Variants in GLRX5 observed in about 807,000 individuals in gnomAD.
GLRX5 encodes the protein glutaredoxin-related protein 5, mitochondrial.
A neutral mutation model predicts 13.8 loss-of-function variants in GLRX5; 10 were observed. The ratio of observed to expected loss-of-function variants is 0.72; its 90% CI spans 0.45 to 1.23. GLRX5 has a LOEUF of 1.23. Among genes scored for constraint, GLRX5 ranks in the 50% most tolerant of loss-of-function variants. The pLI, the probability that GLRX5 is intolerant of heterozygous loss-of-function variation, is 0.00. For missense variants in GLRX5, 233 were observed against 215.2 expected, an observed-to-expected ratio of 1.08 and a Z score of -0.52; for synonymous variants, 98 against 101.1, an observed-to-expected ratio of 0.97 and a Z score of 0.18.
Position 95,544,304 on chromosome 14 carries a change from T to G in GLRX5, c.*179T>G. The stretch of plus-strand genomic sequence containing the variant: ...TGGTGTTCGGGCTAAGAATATTTTA[T>G]TGTGGACTTAATTACAACCACTGCA... On this transcript the variant is annotated 3_prime_UTR_variant, in exon 2 of 2. Transcript: ENST00000331334. The G allele has an allele frequency of 1.6e-6, 1 of 640,182 alleles. No individual in the cohort carries two copies. Among genetic ancestry groups the G allele is most frequent in the Non-Finnish European group, 2.8e-6 (1 of 354,548 alleles). The allele number at this position is 640,182 out of a possible 1,614,324, so 39.7% of individuals were successfully genotyped here. A position where few individuals can be genotyped will look rare whatever the true frequency, so the allele number is the denominator to read the frequency against.
intron 1 of GLRX5, among the ~76,000 whole-genome samples, chr14:95,537,671 T>C (rs570612312): frequency 1.4e-4 from 21 of 152,378 alleles, no homozygotes; most frequent in African/African-American, 4.6e-4. Flanking sequence ...TTTCTAGTAA[T>C]AGGAACGGAG....
At chr14:95,542,676 C>G (rs1175079887) in intron 1 of GLRX5, among the ~76,000 whole-genome samples, 2 of 152,142 alleles carry the variant, frequency 1.3e-5, no homozygotes, top group Non-Finnish European at 2.9e-5. Flanking sequence ...TGGACTTGAA[C>G]AATCTGTTGA....
rs932766484 is a variant in GLRX5, at chr14:95,544,287, G to A, written c.*162G>A. On this transcript the variant is annotated 3_prime_UTR_variant, in exon 2 of 2. Coordinates refer to ENST00000331334, the MANE Select transcript of GLRX5 (RefSeq NM_016417.3). ...GGTGATTTTAGTTGGTCTGGTGTTC[G>A]GGCTAAGAATATTTTATTGTGGACT... 3.0e-6 allele frequency: 2 copies of A among 663,164 alleles called. No homozygotes were observed. Among genetic ancestry groups the A allele is most frequent in the Non-Finnish European group, 5.5e-6 (2 of 364,822 alleles). The allele number at this position is 663,164 out of a possible 1,614,324, so 41.1% of individuals were successfully genotyped here. A position where few individuals can be genotyped will look rare whatever the true frequency, so the allele number is the denominator to read the frequency against.
At chr14:95,538,973 A>G (rs992886269) in intron 1 of GLRX5, among the ~76,000 whole-genome samples, 1 of 152,244 alleles carries the variant, frequency 6.6e-6, no homozygotes, top group African/African-American at 2.4e-5. Context: ...CCCCCAGGCC[A>G]GGGATCGAGG....
intron 1 of GLRX5, among the ~76,000 whole-genome samples, chr14:95,539,213 A>G (rs1891432202): frequency 6.6e-6 from 1 of 152,208 alleles, no homozygotes; most frequent in Admixed American, 6.5e-5. Flanking sequence ...GGTCCGTGGA[A>G]AAATTGTCTT....
rs1255801435 is a variant in GLRX5, at chr14:95,535,244, A to C, written c.155A>C (p.Asp52Ala). The C allele has an allele frequency of 4.5e-6, 7 of 1,569,062 alleles. No individual in the cohort carries two copies. The highest frequency in any genetic ancestry group is 6.0e-6 in the Non-Finnish European group (7 of 1,159,166). ...CAGTTGGACGCGCTGGTGAAGAAGG[A>C]CAAGGTGGTGGTCTTCCTCAAGGGG... ...AEQLDALVKK[D>A]KVVVFLKGTP... The change falls in exon 1 of 2, where the codon GAC (aspartate) becomes GCC (alanine). Residue 52 changes from aspartate to alanine, a missense_variant. By Grantham distance (126) the Asp-to-Ala change is moderately radical. Transcript: ENST00000331334.
intron 1 of GLRX5, among the ~76,000 whole-genome samples, chr14:95,540,181 G>A (rs541075773): frequency 3.3e-5 from 5 of 152,142 alleles, no homozygotes; most frequent in South Asian, 2.1e-4. Flanking sequence ...GTGAGCCACC[G>A]CACCTGGCCT....
At position 95,543,936 on chromosome 14, in the gene GLRX5, T is replaced by C; in HGVS notation, c.296-11T>C. 1 of 1,608,766 alleles carries C rather than the reference T, an allele frequency of 6.2e-7. No homozygotes were observed. The highest frequency in any genetic ancestry group is 2.2e-5 in the East Asian group (1 of 44,872). ...CCATTTAAATAACAAATAAATGTTC[T>C]TTCTCCATAGGCATTAAAGACTATT... On this transcript the variant is annotated splice_polypyrimidine_tract_variant and intron_variant, in intron 1 of 1. Transcript: ENST00000331334.
In GLRX5 at chr14:95,544,141, C is replaced by T. The variant is rs202116612; in HGVS notation, c.*16C>T. On this transcript the variant is annotated 3_prime_UTR_variant, in exon 2 of 2. Coordinates refer to ENST00000331334, the MANE Select transcript of GLRX5 (RefSeq NM_016417.3). ...CTCCAAGTGAGGGCGGCCAAGTCCTCGCTGAGCAGAGAGGGAGCCGTTCAT... is the reference window on the plus strand; with the variant it reads ...CTCCAAGTGAGGGCGGCCAAGTCCTTGCTGAGCAGAGAGGGAGCCGTTCAT... 178 of 1,610,096 alleles carry T rather than the reference C, an allele frequency of 1.1e-4. No homozygotes were observed. The East Asian group carries it at 3.2e-3, about 29-fold the overall frequency.
intron 1 of GLRX5, among the ~76,000 whole-genome samples, chr14:95,536,068 C>T (rs1013550183): frequency 1.3e-5 from 2 of 152,174 alleles, no homozygotes; most frequent in African/African-American, 4.8e-5. Flanking sequence ...TTATGTGGGC[C>T]AGGGCTTGGA....
chr14:95,543,050 T>TAG, intron 1 of GLRX5: 1 of 456,122 alleles, frequency 2.2e-6, no homozygotes, highest in South Asian at 1.5e-5. Context: ...ATCTCATGTG[T>TAG]GTCCTCAGAG....
chr14:95,543,442 T>A (rs1891506575), intron 1 of GLRX5: 1 of 315,190 alleles, frequency 3.2e-6, no homozygotes, highest in South Asian at 2.6e-5. Context: ...ACAGGTGGGA[T>A]TGCCCGAGTT....
At chr14:95,537,752 GAGGAAA>G (rs1190920230) in intron 1 of GLRX5, among the ~76,000 whole-genome samples, 7 of 152,244 alleles carry the variant, frequency 4.6e-5, no homozygotes, top group Admixed American at 4.6e-4. Context: ...GCCTAAACCG[GAGGAAA>G]ACATTCTTTC....
Position 95,535,147 on chromosome 14 carries a change from G to A in GLRX5, c.58G>A (p.Gly20Ser). ...TCTGCTCCGCTGGGGGCGCGGCGCGGGCGGCGGTGGCCTTTGGGGTCCGGG... is the reference window on the plus strand; with the variant it reads ...TCTGCTCCGCTGGGGGCGCGGCGCGAGCGGCGGTGGCCTTTGGGGTCCGGG... ...AALLRWGRGAGGGGLWGPGVR... is the reference protein window; with the variant it reads ...AALLRWGRGASGGGLWGPGVR... Residue 20 changes from glycine (G) to serine (S), a missense_variant, in exon 1 of 2, where the codon GGC becomes AGC. Transcript: ENST00000331334. 8.0e-7 allele frequency: 1 copy of A among 1,251,754 alleles called. No individual in the cohort carries two copies. The highest frequency in any genetic ancestry group is 1.0e-6 in the Non-Finnish European group (1 of 995,122). 77.5% of individuals were successfully genotyped at this position (1,251,754 alleles called of 1,614,324 possible). A position where few individuals can be genotyped will look rare whatever the true frequency, so the allele number is the denominator to read the frequency against.
intron 1 of GLRX5, chr14:95,543,005 T>C (rs1489358622): frequency 4.4e-6 from 2 of 455,828 alleles, no homozygotes; most frequent in Admixed American, 2.3e-5. Context: ...TTGAACAGAG[T>C]AGTTGCACAG....
chr14:95,543,896 A>G (rs1356209581), intron 1 of GLRX5, 51 bp from the exon 2 acceptor site: 12 of 1,499,198 alleles, frequency 8.0e-6, no homozygotes, highest in Admixed American at 3.3e-5. Flanking sequence ...TTAGTCATGA[A>G]TGGTTCAGCT....
intron 1 of GLRX5, among the ~76,000 whole-genome samples, chr14:95,537,227 T>C (rs907896570): frequency 6.6e-6 from 1 of 152,232 alleles, no homozygotes; most frequent in Non-Finnish European, 1.5e-5. Flanking sequence ...ATATAGCTAG[T>C]AAACGGAAAA....
chr14:95,536,175 A>C (rs1283270805), intron 1 of GLRX5, among the ~76,000 whole-genome samples: 1 of 152,178 alleles, frequency 6.6e-6, no homozygotes, highest in Admixed American at 6.5e-5. Context: ...ACCAGGGACC[A>C]GATGGATTAG....
intron 1 of GLRX5, among the ~76,000 whole-genome samples, chr14:95,536,011 G>C (rs1891370976): frequency 6.6e-6 from 1 of 152,202 alleles, no homozygotes; most frequent in African/African-American, 2.4e-5. Flanking sequence ...TGTTGTCGGG[G>C]AAGAGTCATG....
Sources: allele counts gnomAD v4.1 joint callset (sites outside exome capture counted in the v4.1 genomes callset), GRCh38; gene constraint gnomAD v4.1.1; transcripts MANE v1.5; gene names NCBI Gene and HGNC (gene_info 2026-07-23, HGNC 2026-07-21).